Variants in COPS2 observed in about 807,000 individuals in gnomAD.
COPS2 encodes COP9 signalosome complex subunit 2.
COPS2 carries 10 observed loss-of-function variants against 66.1 expected under a neutral mutation model. The ratio of observed to expected loss-of-function variants is 0.15; its 90% CI spans 0.09 to 0.26. COPS2 has a LOEUF of 0.26. Among genes scored for constraint, COPS2 ranks in the 10% least tolerant of loss-of-function variants. COPS2 has a pLI of 1.00. For missense variants in COPS2, 215 were observed against 513.3 expected (o/e 0.42, Z 5.62); for synonymous variants, 179 against 171.3 (o/e 1.04, Z -0.35).
In COPS2 at chr15:49,123,549, A is replaced by G. The variant is rs189861463; in HGVS notation, c.*4401T>C. 7.9e-5 allele frequency: 12 copies of G among 152,362 alleles called. No individual in the cohort carries two copies. In the East Asian group the frequency reaches 2.3e-3, roughly 29 times the overall value. 9.4% of individuals were successfully genotyped at this position (152,362 alleles called of 1,614,324 possible). On this transcript the variant is annotated 3_prime_UTR_variant, in exon 13 of 13. Transcript: ENST00000388901. ...CTCCCACAAGTATGTTTCACTTATTACATATGTATACATATGCACACAAAA... is the reference window on the plus strand; with the variant it reads ...CTCCCACAAGTATGTTTCACTTATTGCATATGTATACATATGCACACAAAA...
chr15:49,142,933 T>G (rs2084298752), intron 3 of COPS2, among the ~76,000 whole-genome samples: 3 of 146,824 alleles, frequency 2.0e-5, no homozygotes, highest in African/African-American at 7.6e-5. Context: ...GGGGGAGGGG[T>G]GGGGTGAAGA....
At chr15:49,146,225 T>TCA (rs1367198612) in intron 1 of COPS2, among the ~76,000 whole-genome samples, 21 of 152,156 alleles carry the variant, frequency 1.4e-4, no homozygotes, top group Admixed American at 6.6e-5. Context: ...CTTCCTCGTG[T>TCA]GAAGACCTGA....
rs148364582 is a variant in COPS2 at position 49,133,803 on chromosome 15, C to T, written c.903G>A (p.Pro301=). The T allele has an allele frequency of 5.6e-4, 894 of 1,597,404 alleles. 4 individuals carry two copies. The African/African-American group carries it at 0.011, about 19-fold the overall frequency. ...INPFDSQEAK[P]YKNDPEILAM... is the part of the protein sequence containing the mutation. Reference sequence around the variant, plus strand: ...CTAAAATTTCTGGATCATTTTTGTACGGCTTGGCCTAAACACAGTAAAGAA... The same window carrying T: ...CTAAAATTTCTGGATCATTTTTGTATGGCTTGGCCTAAACACAGTAAAGAA... Residue 301 remains proline, a synonymous_variant, in exon 9 of 13, where the codon CCG becomes CCA. Coordinates refer to ENST00000388901, the MANE Select transcript of COPS2 (RefSeq NM_004236.4).
chr15:49,128,632 T>C, intron 12 of COPS2, 70 bp downstream of exon 12: 1 of 1,087,322 alleles, frequency 9.2e-7, no homozygotes, highest in South Asian at 1.5e-5. Context: ...ATCCAATTGT[T>C]ACCTTTGTCA....
chr15:49,154,353 C>G (rs2084392226), intron 1 of COPS2, among the ~76,000 whole-genome samples: 1 of 152,136 alleles, frequency 6.6e-6, no homozygotes, highest in Non-Finnish European at 1.5e-5. Context: ...CTACATTTAA[C>G]TTTAAAAATT....
intron 1 of COPS2, among the ~76,000 whole-genome samples, chr15:49,149,833 C>T (rs956074292): frequency 6.6e-6 from 1 of 152,180 alleles, no homozygotes; most frequent in African/African-American, 2.4e-5. Flanking sequence ...CTAAGAGGTA[C>T]ATGGCAGTTG....
intron 3 of COPS2, among the ~76,000 whole-genome samples, chr15:49,140,052 TCTTGA>T (rs2084280882): frequency 6.6e-6 from 1 of 152,094 alleles, no homozygotes; most frequent in African/African-American, 2.4e-5. Context: ...CATGGCGCGA[TCTTGA>T]CTCACCGCAA....
chr15:49,150,942 A>T (rs935122421), intron 1 of COPS2, among the ~76,000 whole-genome samples: 1 of 152,218 alleles, frequency 6.6e-6, no homozygotes, highest in African/African-American at 2.4e-5. Context: ...ATATATTAAG[A>T]CAAGAAGAAC....
chr15:49,143,689 T>C (rs899657370), intron 3 of COPS2, among the ~76,000 whole-genome samples: 9 of 152,200 alleles, frequency 5.9e-5, no homozygotes, highest in South Asian at 2.1e-4. Context: ...AGTCAATCTA[T>C]TAATAATGCA....
chr15:49,128,974 A>G (rs976026200), intron 11 of COPS2, among the ~76,000 whole-genome samples: 3 of 152,170 alleles, frequency 2.0e-5, no homozygotes, highest in Non-Finnish European at 2.9e-5. Flanking sequence ...TCCTGCAACA[A>G]TTTTATTGTG....
chr15:49,134,615 T>G, intron 6 of COPS2, 101 bp from the exon 7 acceptor site: 1 of 964,600 alleles, frequency 1.0e-6, no homozygotes, highest in Non-Finnish European at 1.5e-6. Flanking sequence ...TATTTCCATG[T>G]GAAAACACAA....
intron 1 of COPS2, among the ~76,000 whole-genome samples, chr15:49,150,701 A>G (rs2141134425): frequency 6.6e-6 from 1 of 152,320 alleles, no homozygotes; most frequent in Admixed American, 6.5e-5. Flanking sequence ...AGTGGGAACT[A>G]AATGATGAGA....
chr15:49,153,692 T>C (rs889767005), intron 1 of COPS2, among the ~76,000 whole-genome samples: 4 of 152,336 alleles, frequency 2.6e-5, no homozygotes, highest in African/African-American at 4.8e-5. Context: ...ATATACATAA[T>C]GGAATATTAT....
intron 3 of COPS2, among the ~76,000 whole-genome samples, chr15:49,140,348 A>G (rs2084282639): frequency 6.6e-6 from 1 of 152,074 alleles, no homozygotes; most frequent in East Asian, 1.9e-4. Context: ...TATTAGCTAT[A>G]TTCTTCCCTG....
In COPS2 at chr15:49,126,515, CATA is replaced by C. The variant is rs1460631752; in HGVS notation, c.*1432_*1434del. ...CTTCTGAACTGCCACCCAGTTTTTA[CATA>C]ATAATAACAAGCAATAGAAAAACCA... is the stretch of plus-strand genomic sequence containing the variant. On this transcript the variant is annotated 3_prime_UTR_variant, in exon 13 of 13. Coordinates refer to ENST00000388901, the MANE Select transcript of COPS2 (RefSeq NM_004236.4). 37 of 152,562 alleles carry C rather than the reference CATA, an allele frequency of 2.4e-4. No homozygotes were observed. Among genetic ancestry groups the C allele is most frequent in the African/African-American group, 6.0e-4 (25 of 41,542 alleles). The allele number at this position is 152,562 out of a possible 1,614,324, so 9.5% of individuals were successfully genotyped here.
chr15:49,134,282 A>G, intron 7 of COPS2, 58 bp downstream of exon 7: 1 of 1,545,768 alleles, frequency 6.5e-7, no homozygotes, highest in Non-Finnish European at 8.8e-7. Context: ...GCAAGAGTTT[A>G]ATTAAACACT....
chr15:49,142,209 A>G (rs2084293826), intron 3 of COPS2, among the ~76,000 whole-genome samples: 1 of 152,234 alleles, frequency 6.6e-6, no homozygotes, highest in African/African-American at 2.4e-5. Context: ...GGTAAATATA[A>G]TGTAGATAAT....
In COPS2 at chr15:49,127,731, T is replaced by A; in HGVS notation, c.*219A>T. 2.1e-6 allele frequency: 1 copy of A among 486,530 alleles called. No homozygotes were observed. The highest frequency in any genetic ancestry group is 3.3e-5 in the East Asian group (1 of 30,650). The allele number at this position is 486,530 out of a possible 1,614,324, so 30.1% of individuals were successfully genotyped here. On this transcript the variant is annotated 3_prime_UTR_variant, in exon 13 of 13. Coordinates refer to ENST00000388901, the MANE Select transcript of COPS2 (RefSeq NM_004236.4). ...GGGCAAGATGTCAATACAGCATAAA[T>A]CCCATGGTATTTTGGTTTTCTTCTG... is the stretch of plus-strand genomic sequence containing the variant.
intron 3 of COPS2, among the ~76,000 whole-genome samples, chr15:49,142,942 G>T (rs574716464): frequency 6.6e-6 from 1 of 152,218 alleles, no homozygotes; most frequent in African/African-American, 2.4e-5. Flanking sequence ...GTGGGGTGAA[G>T]AGGAGCAATA....
Sources: gnomAD v4.1 joint callset for allele counts (sites outside exome capture counted in the v4.1 genomes callset) on GRCh38, gnomAD v4.1.1 for gene constraint, MANE v1.5 for transcripts, NCBI Gene and HGNC (gene_info 2026-07-23, HGNC 2026-07-21) for gene names.